The following WWP1 variants were observed in gnomAD, a reference collection of about 807,000 sequenced individuals.
WWP1 encodes NEDD4-like E3 ubiquitin-protein ligase WWP1.
Under a neutral mutation model 130.6 loss-of-function variants are expected in WWP1, and 49 were observed. The ratio of observed to expected loss-of-function variants is 0.38; its 90% CI spans 0.30 to 0.48. The LOEUF (loss-of-function observed/expected upper bound fraction) is 0.48. Among genes scored for constraint, WWP1 ranks in the 20% least tolerant of loss-of-function variants. WWP1 has a pLI of 0.99. For missense variants in WWP1, 809 were observed against 1,100.6 expected (o/e 0.74, Z 3.75); for synonymous variants, 332 against 367.8 (o/e 0.90, Z 1.11).
intron 21 of WWP1, among the ~76,000 whole-genome samples, chr8:86,455,821 T>C (rs1012495408): frequency 5.9e-5 from 9 of 151,928 alleles, no homozygotes; most frequent in Non-Finnish European, 1.2e-4. Context: ...AAAGCCAATT[T>C]TGAGAAAGGA....
At chr8:86,419,087 T>C (rs183177542) in intron 9 of WWP1, among the ~76,000 whole-genome samples, 100 of 152,240 alleles carry the variant, frequency 6.6e-4, no homozygotes, top group South Asian at 2.5e-3. Context: ...ATTTGAAAGA[T>C]AGAGATCAAA....
intron 2 of WWP1, among the ~76,000 whole-genome samples, chr8:86,369,781 T>G (rs1443139522): frequency 6.6e-6 from 1 of 152,168 alleles, no homozygotes; most frequent in Non-Finnish European, 1.5e-5. Flanking sequence ...CTTGGAAGAC[T>G]AAATGCTGTC....
At chr8:86,447,746 G>A (rs1256920390) in intron 18 of WWP1, among the ~76,000 whole-genome samples, 1 of 152,176 alleles carries the variant, frequency 6.6e-6, no homozygotes, top group African/African-American at 2.4e-5. Flanking sequence ...GCACGATGGG[G>A]TTAGTCCTAA....
chr8:86,376,693 T>C (rs1281872036), intron 3 of WWP1, among the ~76,000 whole-genome samples: 1 of 152,208 alleles, frequency 6.6e-6, no homozygotes, highest in Non-Finnish European at 1.5e-5. Flanking sequence ...AAAATAGATG[T>C]GGACCAAGGC....
chr8:86,402,369 T>C (rs1403455110), intron 8 of WWP1, among the ~76,000 whole-genome samples, 166 bp downstream of exon 8: 1 of 152,222 alleles, frequency 6.6e-6, no homozygotes, highest in African/African-American at 2.4e-5. Flanking sequence ...CACTGCAACC[T>C]CTGCCTCTTG....
intron 1 of WWP1, among the ~76,000 whole-genome samples, chr8:86,361,227 G>A (rs766497701): frequency 2.0e-5 from 3 of 152,132 alleles, no homozygotes; most frequent in Non-Finnish European, 2.9e-5. Context: ...TGGGCTTGGA[G>A]ATAAGAGTTG....
intron 2 of WWP1, 23 bp downstream of exon 2, chr8:86,369,054 A>T (rs1824137240): frequency 6.6e-6 from 1 of 152,176 alleles, no homozygotes; most frequent in Admixed American, 6.5e-5. Context: ...CAATTTTTTT[A>T]AAACTAAGAC....
intron 9 of WWP1, among the ~76,000 whole-genome samples, chr8:86,423,828 C>T (rs28577281): frequency 0.051 from 7,432 of 145,296 alleles, 287 homozygotes; most frequent in Non-Finnish European, 0.069. Context: ...CCCCACCTCC[C>T]GGACGGGGCG....
intron 9 of WWP1, among the ~76,000 whole-genome samples, chr8:86,414,372 CA>C: frequency 6.6e-6 from 1 of 152,080 alleles, no homozygotes. Context: ...GCCACTAATC[CA>C]GGGGAGAAAT....
chr8:86,347,128 G>C (rs1441046704), intron 1 of WWP1, among the ~76,000 whole-genome samples: 1 of 151,968 alleles, frequency 6.6e-6, no homozygotes, highest in African/African-American at 2.4e-5. Context: ...GGGACTACAG[G>C]TGTATGTCAT....
intron 24 of WWP1, 117 bp downstream of exon 24, chr8:86,461,963 CAATTTT>C: frequency 1.3e-6 from 1 of 776,892 alleles, no homozygotes; most frequent in Non-Finnish European, 2.2e-6. Flanking sequence ...GTCAGAATTT[CAATTTT>C]GAGAACAGAT....
At chr8:86,440,564 A>G in intron 17 of WWP1, 1 of 392,924 alleles carries the variant, frequency 2.5e-6, no homozygotes. Flanking sequence ...CTGGGTGCCC[A>G]CACAGTCCTT....
At chr8:86,402,251 A>G (rs760268706) in intron 8 of WWP1, 48 bp downstream of exon 8, 18 of 1,585,448 alleles carry the variant, frequency 1.1e-5, no homozygotes, top group Non-Finnish European at 1.1e-5. Flanking sequence ...AAGTAAATGA[A>G]GTTTATGTAT....
chr8:86,370,942 T>C (rs1287891675), intron 2 of WWP1, among the ~76,000 whole-genome samples: 1 of 135,180 alleles, frequency 7.4e-6, no homozygotes, highest in Non-Finnish European at 1.5e-5. Context: ...CTTAGCTCAC[T>C]GCAACCTCTG....
At chr8:86,401,548 CT>C (rs1807979161) in intron 7 of WWP1, among the ~76,000 whole-genome samples, 1 of 65,788 alleles carries the variant, frequency 1.5e-5, no homozygotes, top group African/African-American at 7.9e-5. Flanking sequence ...GATCCTGTCT[CT>C]AAAAAAAAAA....
intron 7 of WWP1, among the ~76,000 whole-genome samples, chr8:86,401,205 G>A (rs1489159767): frequency 1.3e-5 from 2 of 151,740 alleles, no homozygotes; most frequent in East Asian, 3.9e-4. Context: ...CCTAGTATAT[G>A]CTAATTTGTA....
At chr8:86,452,142 G>A (rs1290816875) in intron 20 of WWP1, among the ~76,000 whole-genome samples, 2 of 151,942 alleles carry the variant, frequency 1.3e-5, no homozygotes, top group Admixed American at 6.6e-5. Flanking sequence ...GTCTGTCACG[G>A]CAATGCTTGG....
intron 2 of WWP1, among the ~76,000 whole-genome samples, chr8:86,371,452 A>G (rs1824293225): frequency 6.6e-6 from 1 of 152,204 alleles, no homozygotes; most frequent in Non-Finnish European, 1.5e-5. Context: ...GAAAACGCCT[A>G]CCAGCGGTGT....
chr8:86,439,870 A>G (rs1290784966), intron 17 of WWP1, among the ~76,000 whole-genome samples: 1 of 152,220 alleles, frequency 6.6e-6, no homozygotes, highest in Non-Finnish European at 1.5e-5. Flanking sequence ...TTTTGAACTC[A>G]TTTCAGAGGT....
Sources: allele counts gnomAD v4.1 joint callset (sites outside exome capture counted in the v4.1 genomes callset), GRCh38; gene constraint gnomAD v4.1.1; transcripts MANE v1.5; gene names NCBI Gene and HGNC (gene_info 2026-07-23, HGNC 2026-07-21).